CSMD1: variants seen among roughly 807,000 people sequenced by gnomAD.
CSMD1 encodes CUB and sushi domain-containing protein 1.
A neutral mutation model predicts 417.5 loss-of-function variants in CSMD1; 213 were observed. The ratio of observed to expected loss-of-function variants is 0.51; its 90% confidence interval spans 0.46 to 0.57. CSMD1 has a LOEUF of 0.57. CSMD1 is among the 20% of genes least tolerant of loss of function. The pLI is 0.00. For synonymous variants in CSMD1, 2,862 were observed against 1,736.8 expected (o/e 1.65, Z -16.11); for missense variants, 6,923 against 4,529.7 (o/e 1.53, Z -15.17).
At chr8:4,221,378 GAAA>G (rs11340375) in intron 3 of CSMD1, among the ~76,000 whole-genome samples, 17 of 134,740 alleles carry the variant, frequency 1.3e-4, no homozygotes, top group South Asian at 6.9e-4. Context: ...AGGAAAGTGA[GAAA>G]AAAAAAAAAA....
chr8:3,770,973 A>T (rs1412055288), intron 5 of CSMD1, among the ~76,000 whole-genome samples: 1 of 151,750 alleles, frequency 6.6e-6, no homozygotes, highest in East Asian at 1.9e-4. Flanking sequence ...TGCCCAGTGC[A>T]TGTTAATTTG....
At chr8:3,015,474 T>C (rs1157651844) in intron 52 of CSMD1, among the ~76,000 whole-genome samples, 1 of 152,080 alleles carries the variant, frequency 6.6e-6, no homozygotes, top group Admixed American at 6.6e-5. Flanking sequence ...CATGATTATA[T>C]AGACACAGTT....
chr8:2,999,642 G>C (rs1333033861), intron 53 of CSMD1, among the ~76,000 whole-genome samples: 1 of 152,044 alleles, frequency 6.6e-6, no homozygotes, highest in Middle Eastern at 3.2e-3. Flanking sequence ...TCTCCACCCA[G>C]TTTATCCTGT....
intron 3 of CSMD1, among the ~76,000 whole-genome samples, chr8:4,094,582 G>T (rs1450238340): frequency 6.6e-6 from 1 of 152,142 alleles, no homozygotes; most frequent in Non-Finnish European, 1.5e-5. Context: ...TAGTAATGGA[G>T]CACCGTGCTG....
intron 5 of CSMD1, among the ~76,000 whole-genome samples, chr8:3,819,260 T>C (rs566284906): frequency 2.5e-4 from 38 of 152,210 alleles, no homozygotes; most frequent in African/African-American, 9.1e-4. Flanking sequence ...GCTTCATACC[T>C]TTCAGTTATA....
At chr8:4,211,244 G>C (rs1038437805) in intron 3 of CSMD1, among the ~76,000 whole-genome samples, 10 of 151,854 alleles carry the variant, frequency 6.6e-5, no homozygotes, top group South Asian at 2.1e-4. Context: ...ACCTCAGATA[G>C]GGGGAAAAGA....
At chr8:4,319,848 G>A (rs932503051) in intron 3 of CSMD1, among the ~76,000 whole-genome samples, 5 of 152,160 alleles carry the variant, frequency 3.3e-5, no homozygotes, top group African/African-American at 7.2e-5. Context: ...GAGCTCACCT[G>A]TATATTATGC....
At chr8:4,920,503 G>C (rs530203230) in intron 1 of CSMD1, among the ~76,000 whole-genome samples, 3 of 152,112 alleles carry the variant, frequency 2.0e-5, no homozygotes, top group African/African-American at 7.2e-5. Flanking sequence ...CAAGGATTTA[G>C]TTACTGGGGA....
intron 7 of CSMD1, among the ~76,000 whole-genome samples, chr8:3,640,649 T>C (rs11136645): frequency 0.49 from 75,020 of 152,056 alleles, 18,738 homozygotes; most frequent in Middle Eastern, 0.64. Flanking sequence ...AAATTAGATA[T>C]TCCTTTGATT....
intron 1 of CSMD1, among the ~76,000 whole-genome samples, chr8:4,681,472 A>G (rs1235816197): frequency 6.6e-6 from 1 of 152,308 alleles, no homozygotes; most frequent in Middle Eastern, 3.4e-3. Context: ...ATGAAACCAC[A>G]AATGGTGAGC....
Position 4,761,384 on chromosome 8 carries a change from GTA to G in CSMD1, c.86-123828_86-123827del, listed in dbSNP as rs901993785. ...ATCGTGTTACTTGGTGTGTGTGTGT[GTA>G]TATATATATATACACACATATATAT... On this transcript the variant is annotated intron_variant, in intron 1 of 69. Transcript: ENST00000635120. 3.1e-4 allele frequency among the ~76,000 whole-genome samples: 28 copies of G among 89,550 alleles called. No individual in the cohort carries two copies. The South Asian group carries it at 4.6e-3, about 15-fold the overall frequency. 58.7% of individuals were successfully genotyped at this position (89,550 alleles called of 152,430 possible). A position where few individuals can be genotyped will look rare whatever the true frequency, so the allele number is the denominator to read the frequency against.
intron 3 of CSMD1, among the ~76,000 whole-genome samples, chr8:4,233,484 G>C (rs1307635508): frequency 6.6e-6 from 1 of 152,184 alleles, no homozygotes; most frequent in Non-Finnish European, 1.5e-5. Flanking sequence ...TTAGGAAGAA[G>C]GAGCTTTCAT....
At chr8:3,551,456 A>G (rs1798908043) in intron 10 of CSMD1, among the ~76,000 whole-genome samples, 1 of 152,034 alleles carries the variant, frequency 6.6e-6, no homozygotes, top group South Asian at 2.1e-4. Flanking sequence ...CTAAGGAGAA[A>G]AGAACATATT....
chr8:4,242,041 T>A (rs1045252785), intron 3 of CSMD1, among the ~76,000 whole-genome samples: 2 of 152,174 alleles, frequency 1.3e-5, no homozygotes, highest in African/African-American at 4.8e-5. Flanking sequence ...CCTTTTGACT[T>A]TGTGAAATGA....
chr8:3,194,458 T>TCA (rs1796591623), intron 33 of CSMD1, among the ~76,000 whole-genome samples: 2 of 147,750 alleles, frequency 1.4e-5, no homozygotes, highest in Admixed American at 1.3e-4. Flanking sequence ...TTATTTTATT[T>TCA]TATTTCATTT....
chr8:4,807,269 GC>G (rs1798644850), intron 1 of CSMD1, among the ~76,000 whole-genome samples: 1 of 152,144 alleles, frequency 6.6e-6, no homozygotes, highest in Non-Finnish European at 1.5e-5. Flanking sequence ...TTATTTCCCA[GC>G]CACATTGACT....
chr8:4,272,293 AT>A (rs1207078619), intron 3 of CSMD1, among the ~76,000 whole-genome samples: 6 of 152,156 alleles, frequency 3.9e-5, no homozygotes, highest in Admixed American at 3.3e-4. Context: ...ATAGAAAAAC[AT>A]TTTTTTCCTT....
intron 2 of CSMD1, among the ~76,000 whole-genome samples, chr8:4,561,900 C>G (rs147975186): frequency 6.6e-6 from 1 of 152,262 alleles, no homozygotes; most frequent in East Asian, 1.9e-4. Context: ...AAGCCAGAAT[C>G]TCAACCAAAG....
intron 7 of CSMD1, among the ~76,000 whole-genome samples, chr8:3,686,698 T>A (rs1242798610): frequency 4.6e-5 from 7 of 152,196 alleles, no homozygotes; most frequent in Admixed American, 4.6e-4. Flanking sequence ...GCCGATCCCT[T>A]ACCCTCGCCC....
Sources: allele counts gnomAD v4.1 joint callset (sites outside exome capture counted in the v4.1 genomes callset), GRCh38; gene constraint gnomAD v4.1.1; transcripts MANE v1.5; gene names NCBI Gene and HGNC (gene_info 2026-07-23, HGNC 2026-07-21).